Variants in APBB2 observed in about 807,000 individuals in gnomAD.
APBB2 encodes the protein amyloid beta precursor protein binding family B member 2, also known as Fe65-like 1.
APBB2 carries 38 observed loss-of-function variants against 82.5 expected under a neutral mutation model. The ratio of observed to expected loss-of-function variants is 0.46; its 90% confidence interval spans 0.36 to 0.60. The LOEUF is 0.60. Ranked by LOEUF, APBB2 falls within the 20% of genes least tolerant of loss-of-function variation. The pLI, the probability that APBB2 is intolerant of heterozygous loss-of-function variation, is 0.00. For missense variants in APBB2, 772 were observed against 972.3 expected (o/e 0.79, Z 2.74); for synonymous variants, 341 against 368.2 (o/e 0.93, Z 0.85).
intron 12 of APBB2, among the ~76,000 whole-genome samples, chr4:40,875,546 A>T (rs1024475074): frequency 1.3e-5 from 2 of 152,250 alleles, no homozygotes; most frequent in Non-Finnish European, 2.9e-5. Flanking sequence ...ATCAATATGA[A>T]ATTGTTATGA....
chr4:40,998,035 T>C (rs556384855), intron 6 of APBB2, among the ~76,000 whole-genome samples: 17 of 152,314 alleles, frequency 1.1e-4, no homozygotes, highest in South Asian at 2.1e-4. Context: ...AATTTGGGTA[T>C]TGGGTAGACA....
At chr4:41,026,032 T>C (rs1714048582) in intron 5 of APBB2, among the ~76,000 whole-genome samples, 1 of 150,894 alleles carries the variant, frequency 6.6e-6, no homozygotes, top group South Asian at 2.1e-4. Flanking sequence ...CACAAGATAA[T>C]GTCTTTTGTA....
At chr4:40,844,531 C>CT (rs1456732965) in intron 12 of APBB2, among the ~76,000 whole-genome samples, 3 of 152,216 alleles carry the variant, frequency 2.0e-5, no homozygotes, top group Non-Finnish European at 4.4e-5. Context: ...GGACAGTCAC[C>CT]TGGGGGAGTG....
intron 12 of APBB2, among the ~76,000 whole-genome samples, chr4:40,861,761 A>C (rs959465420): frequency 1.3e-5 from 2 of 152,190 alleles, no homozygotes; most frequent in African/African-American, 2.4e-5. Flanking sequence ...TTCTCTGATA[A>C]ATATGGTAGC....
chr4:41,045,330 G>A (rs1579516786), intron 4 of APBB2, among the ~76,000 whole-genome samples: 1 of 151,984 alleles, frequency 6.6e-6, no homozygotes, highest in South Asian at 2.1e-4. Context: ...GTCTCGCTCT[G>A]TTGCCCAGGC....
chr4:40,984,853 T>G lies in APBB2; in HGVS notation c.835+28730A>C, dbSNP rs1044608872. ...AAAATACGTGGTACTAGATATTTTT[T>G]TAAATCACACCCTCTTGGTGAACAC... On this transcript the variant is annotated intron_variant, in intron 6 of 17. Coordinates refer to ENST00000508593, the MANE Select transcript of APBB2 (RefSeq NM_004307.2). Among the ~76,000 whole-genome samples the G allele has an allele frequency of 1.2e-4, 19 of 152,176 alleles. 1 individual carries two copies. Among genetic ancestry groups the G allele is most frequent in the Admixed American group, 9.2e-4 (14 of 15,284 alleles).
intron 4 of APBB2, among the ~76,000 whole-genome samples, chr4:41,038,701 A>G (rs536215598): frequency 6.6e-6 from 1 of 152,328 alleles, no homozygotes; most frequent in African/African-American, 2.4e-5. Context: ...TATAAAACCC[A>G]ATACTCCCTT....
At chr4:40,863,385 G>T (rs568998912) in intron 12 of APBB2, among the ~76,000 whole-genome samples, 5 of 152,292 alleles carry the variant, frequency 3.3e-5, no homozygotes, top group African/African-American at 1.2e-4. Flanking sequence ...CAAATGCATT[G>T]TCTGAGGACT....
At chr4:41,184,145 G>C (rs1772221949) in intron 1 of APBB2, among the ~76,000 whole-genome samples, 2 of 152,050 alleles carry the variant, frequency 1.3e-5, no homozygotes, top group Admixed American at 6.5e-5. Flanking sequence ...TCTGACAGGG[G>C]GCAGAGCTCA....
At chr4:41,148,817 A>AGAAT in intron 1 of APBB2, among the ~76,000 whole-genome samples, 1 of 152,306 alleles carries the variant, frequency 6.6e-6, no homozygotes, top group South Asian at 2.1e-4. Flanking sequence ...GTACCATTCT[A>AGAAT]GGTGATGGAG....
chr4:40,977,330 T>C (rs1290838003), intron 6 of APBB2, among the ~76,000 whole-genome samples: 2 of 151,870 alleles, frequency 1.3e-5, no homozygotes, highest in Non-Finnish European at 2.9e-5. Context: ...TTTTTTTTTT[T>C]TTAAGACGGA....
intron 3 of APBB2, among the ~76,000 whole-genome samples, chr4:41,069,456 C>G (rs1263634848): frequency 6.6e-6 from 1 of 152,172 alleles, no homozygotes; most frequent in Non-Finnish European, 1.5e-5. Flanking sequence ...CCCCAGACAG[C>G]CTTTGTGATC....
intron 13 of APBB2, 129 bp from the exon 14 acceptor site, chr4:40,827,348 C>G: frequency 2.9e-6 from 2 of 682,764 alleles, no homozygotes; most frequent in East Asian, 5.6e-5. Context: ...TGCCTGAAGT[C>G]CCACCCCTGC....
At chr4:40,985,235 G>A (rs1397540167) in intron 6 of APBB2, among the ~76,000 whole-genome samples, 3 of 151,482 alleles carry the variant, frequency 2.0e-5, no homozygotes, top group Admixed American at 6.6e-5. Flanking sequence ...TAAATTTTAC[G>A]TTTATCTATG....
intron 6 of APBB2, among the ~76,000 whole-genome samples, chr4:40,997,927 A>G (rs1375674391): frequency 2.0e-5 from 3 of 152,206 alleles, no homozygotes; most frequent in Non-Finnish European, 4.4e-5. Context: ...TTTCAAGGAA[A>G]AGTACACGTG....
At chr4:41,092,603 C>T (rs146669552) in intron 3 of APBB2, among the ~76,000 whole-genome samples, 3,046 of 151,376 alleles carry the variant, frequency 0.02, 106 homozygotes, top group African/African-American at 0.07. Flanking sequence ...GCAGGAGAAT[C>T]GCTTGAACCC....
intron 6 of APBB2, among the ~76,000 whole-genome samples, chr4:41,008,386 C>T (rs904306617): frequency 5.9e-5 from 9 of 152,130 alleles, no homozygotes; most frequent in African/African-American, 9.7e-5. Context: ...GATATAACAT[C>T]GAGTGTCTTA....
chr4:40,923,597 G>A (rs1033533308), intron 10 of APBB2, among the ~76,000 whole-genome samples: 3 of 152,222 alleles, frequency 2.0e-5, no homozygotes, highest in Admixed American at 1.3e-4. Context: ...TGCCGCTCTG[G>A]TGCCATCAGG....
At chr4:41,095,726 T>A (rs759894475) in intron 3 of APBB2, among the ~76,000 whole-genome samples, 1 of 151,892 alleles carries the variant, frequency 6.6e-6, no homozygotes, top group South Asian at 2.1e-4. Context: ...ACTTCTGCAG[T>A]GAACAATCTA....
Sources: gnomAD v4.1 joint callset for allele counts (sites outside exome capture counted in the v4.1 genomes callset) on GRCh38, gnomAD v4.1.1 for gene constraint, MANE v1.5 for transcripts, NCBI Gene and HGNC (gene_info 2026-07-23, HGNC 2026-07-21) for gene names.